ACSM5: variants seen among roughly 807,000 people sequenced by gnomAD.
The protein encoded by ACSM5 is acyl-CoA synthetase medium chain family member 5.
Under a neutral mutation model 71.6 loss-of-function variants are expected in ACSM5, and 56 were observed. The observed-to-expected ratio is 0.78, with a 90% CI of 0.63 to 0.98. The LOEUF (loss-of-function observed/expected upper bound fraction) is 0.98, where lower values mean the gene tolerates loss of function less well. Among genes scored for constraint, ACSM5 ranks in the 50% least tolerant of loss-of-function variants. The probability of loss-of-function intolerance (pLI) is 0.00; values close to 1 mark genes in which losing one functional copy is unlikely to be tolerated. For missense variants in ACSM5, 723 were observed against 726.0 expected, an observed-to-expected ratio of 1.00 and a Z score of 0.05; for synonymous variants, 285 against 281.5, an observed-to-expected ratio of 1.01 and a Z score of -0.12.
chr16:20,412,376 A>G (rs1459726916), intron 2 of ACSM5, among the ~76,000 whole-genome samples: 43 of 152,092 alleles, frequency 2.8e-4, no homozygotes, highest in Admixed American at 2.7e-3. Context: ...AAATACAACA[A>G]AACAAAATAA....
chr16:20,437,205 T>A (rs7499668), intron 11 of ACSM5, 26 bp downstream of exon 11: 1 of 1,611,638 alleles, frequency 6.2e-7, no homozygotes, highest in Non-Finnish European at 8.5e-7. Context: ...CTTTCCTCCT[T>A]CCTTTGAAAT....
intron 5 of ACSM5, among the ~76,000 whole-genome samples, chr16:20,422,299 A>G (rs553300949): frequency 6.6e-6 from 1 of 152,052 alleles, no homozygotes; most frequent in South Asian, 2.1e-4. Flanking sequence ...TTTAGTAGAG[A>G]CCGGGTTTCA....
chr16:20,435,492 A>G (rs1967173440), intron 10 of ACSM5, among the ~76,000 whole-genome samples: 1 of 152,076 alleles, frequency 6.6e-6, no homozygotes, highest in East Asian at 1.9e-4. Context: ...TTGAGATATA[A>G]TTTACCTACA....
chr16:20,430,104 C>A (rs1053648063), intron 8 of ACSM5, among the ~76,000 whole-genome samples: 1 of 151,974 alleles, frequency 6.6e-6, no homozygotes, highest in Non-Finnish European at 1.5e-5. Context: ...ATAATGTACA[C>A]TACTCAGCTT....
intron 1 of ACSM5, among the ~76,000 whole-genome samples, chr16:20,411,235 A>C (rs530840975): frequency 6.6e-6 from 1 of 152,264 alleles, no homozygotes; most frequent in African/African-American, 2.4e-5. Context: ...CTGAGTTCTG[A>C]CCTCAGACCC....
intron 5 of ACSM5, among the ~76,000 whole-genome samples, chr16:20,421,694 C>T (rs1966886603): frequency 7.4e-6 from 1 of 135,048 alleles, no homozygotes; most frequent in South Asian, 2.4e-4. Flanking sequence ...CACATATAAA[C>T]ATATATATAC....
chr16:20,435,904 C>T, intron 10 of ACSM5, among the ~76,000 whole-genome samples: 1 of 151,016 alleles, frequency 6.6e-6, no homozygotes, highest in South Asian at 2.1e-4. Flanking sequence ...GAGCCCTTCT[C>T]CCACCCTCCC....
Position 20,419,640 on chromosome 16 carries a change from A to T in ACSM5, c.623+205A>T, listed in dbSNP as rs1353701897. ...TTCAGTCAGTGCTGGATTTGTCAGC[A>T]GCTTTTCTGTGCTTCATTTGCTTCT... On this transcript the variant is annotated intron_variant, in intron 4 of 13. Coordinates refer to ENST00000331849, the MANE Select transcript of ACSM5 (RefSeq NM_017888.3). 1.2e-5 allele frequency: 7 copies of T among 591,478 alleles called. No homozygotes were observed. The African/African-American group carries it at 1.3e-4, about 11-fold the overall frequency. The allele number at this position is 591,478 out of a possible 1,614,324, so 36.6% of individuals were successfully genotyped here. A position where few individuals can be genotyped will look rare whatever the true frequency, so the allele number is the denominator to read the frequency against.
intron 5 of ACSM5, 102 bp downstream of exon 5, chr16:20,421,503 C>G: frequency 8.6e-7 from 1 of 1,161,878 alleles, no homozygotes; most frequent in East Asian, 3.0e-5. Flanking sequence ...GGTCAGAGAG[C>G]CAACAGAATT....
intron 5 of ACSM5, among the ~76,000 whole-genome samples, chr16:20,422,280 T>G (rs1279051094): frequency 6.6e-6 from 1 of 151,968 alleles, no homozygotes; most frequent in Non-Finnish European, 1.5e-5. Flanking sequence ...CCCAGCTAAT[T>G]TTTGTATTTT....
At chr16:20,432,810 C>T (rs1967125063) in intron 10 of ACSM5, among the ~76,000 whole-genome samples, 1 of 142,490 alleles carries the variant, frequency 7.0e-6, no homozygotes, top group African/African-American at 2.7e-5. Context: ...TTCTTTCCGT[C>T]ACCTGTACCA....
At chr16:20,431,144 C>CGGGATGCT in intron 9 of ACSM5, 71 bp downstream of exon 9, 1 of 1,596,954 alleles carries the variant, frequency 6.3e-7, no homozygotes, top group Non-Finnish European at 8.6e-7. Context: ...CTGGTTGGCA[C>CGGGATGCT]GGGCTGCTGG....
rs756069395 is a variant in ACSM5, at chr16:20,411,694, G to T, written c.204+6G>T. 20 of 1,613,446 alleles carry T rather than the reference G, an allele frequency of 1.2e-5. No individual in the cohort carries two copies. The highest frequency in any genetic ancestry group is 1.7e-5 in the Non-Finnish European group (20 of 1,180,006). ...TGTGGAGTCGGCTGGAAGAGGTGAAGCCTGTTCTGTCCTAGAGTCCATCTG... is the reference window on the plus strand; with the variant it reads ...TGTGGAGTCGGCTGGAAGAGGTGAATCCTGTTCTGTCCTAGAGTCCATCTG... On this transcript the variant is annotated splice_donor_region_variant and intron_variant, in intron 2 of 13. Transcript: ENST00000331849.
At chr16:20,413,006 A>AGTGTGACCTTGGAC (rs1966850466) in intron 2 of ACSM5, among the ~76,000 whole-genome samples, 1 of 152,204 alleles carries the variant, frequency 6.6e-6, no homozygotes, top group South Asian at 2.1e-4. Flanking sequence ...GTGTACTTGA[A>AGTGTGACCTTGGAC]GTGTGACCTT....
Position 20,421,378 on chromosome 16 carries a change from A to G in ACSM5, c.744A>G (p.Gly248=). 6.2e-7 allele frequency: 1 copy of G among 1,600,908 alleles called. No individual in the cohort carries two copies. Among genetic ancestry groups the G allele is most frequent in the South Asian group, 1.1e-5 (1 of 89,474 alleles). The change falls in exon 5 of 14, where the codon GGA becomes GGG. Residue 248 remains glycine (G), a synonymous_variant. Coordinates refer to ENST00000331849, the MANE Select transcript of ACSM5 (RefSeq NM_017888.3). ...TCGAGCACTCCCAGAGCAGCTACGG[A>G]CTGGGTTTTGTGGCCAGCGGAAGGT... The part of the protein sequence containing the change: ...KMVEHSQSSY[G]LGFVASGRRW...
In ACSM5 at chr16:20,427,525, G is replaced by A. The variant is rs34347808; in HGVS notation, c.922-263G>A. Reference sequence around the variant, plus strand: ...CAGAAGCCATAGTCTTTGTATAACCGAATCTTGAAAGTGGTATTCATCACC... The same window carrying A: ...CAGAAGCCATAGTCTTTGTATAACCAAATCTTGAAAGTGGTATTCATCACC... On this transcript the variant is annotated intron_variant, in intron 6 of 13. Coordinates refer to ENST00000331849, the MANE Select transcript of ACSM5 (RefSeq NM_017888.3). Among the ~76,000 whole-genome samples the A allele has an allele frequency of 6.5e-3, 968 of 148,992 alleles. 1 individual carries two copies. Among genetic ancestry groups the A allele is most frequent in the African/African-American group, 0.023 (887 of 38,384 alleles).
chr16:20,412,574 C>A (rs1174390029), intron 2 of ACSM5, among the ~76,000 whole-genome samples: 2 of 152,142 alleles, frequency 1.3e-5, no homozygotes, highest in African/African-American at 4.8e-5. Flanking sequence ...TTACATGATA[C>A]TAACTTTTCA....
intron 8 of ACSM5, among the ~76,000 whole-genome samples, 158 bp downstream of exon 8, chr16:20,429,959 CATATGT>C (rs1567345556): frequency 3.3e-5 from 5 of 152,094 alleles, no homozygotes. Context: ...TTTTGATTTC[CATATGT>C]TCTCACTTAT....
chr16:20,421,170 C>T (rs1471530969), intron 4 of ACSM5, 88 bp from the exon 5 acceptor site: 91 of 1,425,010 alleles, frequency 6.4e-5, no homozygotes, highest in Middle Eastern at 1.9e-4. Flanking sequence ...ATTTATGAAA[C>T]GGTAGTCATA....
Sources: gnomAD v4.1 joint callset for allele counts (sites outside exome capture counted in the v4.1 genomes callset) on GRCh38, gnomAD v4.1.1 for gene constraint, MANE v1.5 for transcripts, NCBI Gene and HGNC (gene_info 2026-07-23, HGNC 2026-07-21) for gene names.